Variants in MON1B observed in about 807,000 individuals in gnomAD.
MON1B encodes the protein MON1 vesicular trafficking associated B.
A neutral mutation model predicts 45.1 loss-of-function variants in MON1B; 26 were observed. The observed-to-expected ratio is 0.58, with a 90% confidence interval of 0.42 to 0.80. The LOEUF is 0.80. Ranked by LOEUF, MON1B falls within the 30% of genes least tolerant of loss-of-function variation. The pLI is 0.00. For missense variants in MON1B, 737 were observed against 754.5 expected, an observed-to-expected ratio of 0.98 and a Z score of 0.27; for synonymous variants, 395 against 320.2, an observed-to-expected ratio of 1.23 and a Z score of -2.49.
At chr16:77,192,798 T>A (rs114397929) in intron 2 of MON1B, among the ~76,000 whole-genome samples, 2 of 152,048 alleles carry the variant, frequency 1.3e-5, no homozygotes, top group Non-Finnish European at 2.9e-5. Context: ...TGTGGGGTCA[T>A]TGGGGTGTTT....
rs570598123 is a variant in MON1B at position 77,201,640 on chromosome 16, G to C, written c.*3332G>C. 6.6e-6 allele frequency: 1 copy of C among 152,110 alleles called. No individual in the cohort carries two copies. The highest frequency in any genetic ancestry group is 1.5e-5 in the Non-Finnish European group (1 of 68,038). 9.4% of individuals were successfully genotyped at this position (152,110 alleles called of 1,614,324 possible). A position where few individuals can be genotyped will look rare whatever the true frequency, so the allele number is the denominator to read the frequency against. ...GGAGAATACGTAAGTGTATGGACCA[G>C]GAATGGTCACTGGAGTGTTGATGTA... is the stretch of plus-strand genomic sequence containing the variant. On this transcript the variant is annotated 3_prime_UTR_variant, in exon 6 of 6. Coordinates refer to ENST00000248248, the MANE Select transcript of MON1B (RefSeq NM_014940.4).
intron 5 of MON1B, 75 bp downstream of exon 5, chr16:77,195,757 C>G: frequency 2.6e-6 from 4 of 1,552,696 alleles, no homozygotes; most frequent in Non-Finnish European, 3.5e-6. Context: ...TCCCCTCCAG[C>G]CACAGTGCCT....
At chr16:77,191,403 G>C (rs1308966735) in intron 1 of MON1B, 73 bp from the exon 2 acceptor site, 1 of 1,581,812 alleles carries the variant, frequency 6.3e-7, no homozygotes, top group East Asian at 2.2e-5. Flanking sequence ...TGTGTCCAAG[G>C]GGGCCTGACT....
At chr16:77,192,602 G>T (rs1371118697) in intron 2 of MON1B, among the ~76,000 whole-genome samples, 2 of 152,128 alleles carry the variant, frequency 1.3e-5, no homozygotes, top group African/African-American at 4.8e-5. Flanking sequence ...GTAGGGAGGG[G>T]AGTGGATACC....
chr16:77,191,259 G>T lies in MON1B; in HGVS notation c.-11+1G>T. On this transcript the variant is annotated splice_donor_variant, in intron 1 of 5. Coordinates refer to ENST00000248248, the MANE Select transcript of MON1B (RefSeq NM_014940.4). LOFTEE classifies it low-confidence loss of function (5UTR_SPLICE). ...CAATTGAGATTCGGAGTTAAAACAGGTGTTTGTATATCTCTATTTCCTGAG... is the reference window on the plus strand; with the variant it reads ...CAATTGAGATTCGGAGTTAAAACAGTTGTTTGTATATCTCTATTTCCTGAG... The T allele has an allele frequency of 2.6e-6, 4 of 1,539,588 alleles. No homozygotes were observed. Among genetic ancestry groups the T allele is most frequent in the East Asian group, 2.4e-5 (1 of 40,918 alleles).
chr16:77,196,523 C>T (rs1039093129), intron 5 of MON1B, among the ~76,000 whole-genome samples: 1 of 152,180 alleles, frequency 6.6e-6, no homozygotes, highest in Non-Finnish European at 1.5e-5. Flanking sequence ...CGCCTGTAAT[C>T]CCAGCACTTT....
rs368412163 is a variant in MON1B at position 77,194,660 on chromosome 16, T to A, written c.801T>A (p.Arg267=). ...LRDALGALLR[R]CTAPGLALSV... ...ACGCACTAGGTGCGCTCCTCCGACG[T>A]TGCACAGCGCCTGGCCTGGCGCTGT... The change falls in exon 4 of 6, where the codon CGT becomes CGA. Residue 267 remains arginine, a synonymous_variant. Coordinates refer to ENST00000248248, the MANE Select transcript of MON1B (RefSeq NM_014940.4). The surrounding 1 kb of genome is among the most constrained non-coding windows in gnomAD (Gnocchi z 8.1). 2 of 1,613,742 alleles carry A rather than the reference T, an allele frequency of 1.2e-6. No individual in the cohort carries two copies. Among genetic ancestry groups the A allele is most frequent in the African/African-American group, 2.7e-5 (2 of 74,924 alleles).
At position 77,200,256 on chromosome 16, in the gene MON1B, G is replaced by GTATATATATATATGTATATA. The variant is rs2054719886; in HGVS notation, c.*1961_*1962insGTATATATATATATATATAT. The GTATATATATATATGTATATA allele has an allele frequency of 7.2e-5, 6 of 83,616 alleles. No homozygotes were observed. Among genetic ancestry groups the GTATATATATATATGTATATA allele is most frequent in the Non-Finnish European group, 1.7e-4 (6 of 35,392 alleles). The allele number at this position is 83,616 out of a possible 1,614,324, so 5.2% of individuals were successfully genotyped here. ...TGTATATATATATATATGTATATGT[G>GTATATATATATATGTATATA]TATATATATATATATGTGTATATAT... On this transcript the variant is annotated 3_prime_UTR_variant, in exon 6 of 6. Transcript: ENST00000248248.
chr16:77,201,577 C>T lies in MON1B; in HGVS notation c.*3269C>T, dbSNP rs1366552817. On this transcript the variant is annotated 3_prime_UTR_variant, in exon 6 of 6. Coordinates refer to ENST00000248248, the MANE Select transcript of MON1B (RefSeq NM_014940.4). ...CAGAGTATTTTTAGCATCTAAAATG[C>T]TCTTCCACTTCGGCAGTGACCATGC... is the stretch of plus-strand genomic sequence containing the variant. 6.6e-6 allele frequency: 1 copy of T among 152,132 alleles called. No individual in the cohort carries two copies. The highest frequency in any genetic ancestry group is 1.5e-5 in the Non-Finnish European group (1 of 68,026). 9.4% of individuals were successfully genotyped at this position (152,132 alleles called of 1,614,324 possible).
chr16:77,198,393 G>T lies in MON1B; in HGVS notation c.*85G>T. Reference sequence around the variant, plus strand: ...GTCTACCCTGGAAATGTGTGTGGGGGTGTGTCTGTGGCCAGTCATTGTCTC... The same window carrying T: ...GTCTACCCTGGAAATGTGTGTGGGGTTGTGTCTGTGGCCAGTCATTGTCTC... On this transcript the variant is annotated 3_prime_UTR_variant, in exon 6 of 6. Transcript: ENST00000248248. 3.5e-6 allele frequency: 5 copies of T among 1,425,346 alleles called. No homozygotes were observed. Among genetic ancestry groups the T allele is most frequent in the African/African-American group, 1.4e-5 (1 of 71,110 alleles). The allele number at this position is 1,425,346 out of a possible 1,614,324, so 88.3% of individuals were successfully genotyped here.
In MON1B at chr16:77,194,812, C is replaced by G; in HGVS notation, c.953C>G (p.Ala318Gly). Residue 318 changes from alanine (A) to glycine (G), a missense_variant, in exon 4 of 6, where the codon GCG (alanine) becomes GGG (glycine). Ala to Gly is a moderately conservative substitution (Grantham distance 60). Transcript: ENST00000248248. This position sits in a 1 kb window ranked among gnomAD's most constrained non-coding sequence, Gnocchi z 8.1. ...TGGGTGGGTGCACCAGCCTTTGCGG[C>G]GGGTGAGGCTTGGGCACCTGTGTGC... ...LDWVGAPAFA[A>G]GEAWAPVCLP... is the part of the protein sequence containing the mutation. The G allele has an allele frequency of 2.5e-6, 4 of 1,611,928 alleles. No homozygotes were observed. Among genetic ancestry groups the G allele is most frequent in the Non-Finnish European group, 3.4e-6 (4 of 1,179,984 alleles).
chr16:77,193,994 T>G lies in MON1B; in HGVS notation c.475+217T>G, dbSNP rs898632381. On this transcript the variant is annotated intron_variant, in intron 3 of 5. Transcript: ENST00000248248. This position sits in a 1 kb window ranked among gnomAD's most constrained non-coding sequence, Gnocchi z 5.0. ...ATTGACTTGCTGGGATCTCAGTGAC[T>G]AGCTGGATACTTCTGTGTCACCTGA... 20 of 604,886 alleles carry G rather than the reference T, an allele frequency of 3.3e-5. No individual in the cohort carries two copies. In the African/African-American group the frequency reaches 3.3e-4, roughly 10 times the overall value. The allele number at this position is 604,886 out of a possible 1,614,324, so 37.5% of individuals were successfully genotyped here. A position where few individuals can be genotyped will look rare whatever the true frequency, so the allele number is the denominator to read the frequency against.
chr16:77,195,456 C>A lies in MON1B; in HGVS notation c.1296-79C>A, dbSNP rs1002469312. 4 of 1,475,400 alleles carry A rather than the reference C, an allele frequency of 2.7e-6. No individual in the cohort carries two copies. In the African/African-American group the frequency reaches 5.6e-5, roughly 21 times the overall value. The allele number at this position is 1,475,400 out of a possible 1,614,324, so 91.4% of individuals were successfully genotyped here. A position where few individuals can be genotyped will look rare whatever the true frequency, so the allele number is the denominator to read the frequency against. ...CTCAGCTCCCTAACTTCATTGAAAT[C>A]TCTAGACTGAGGGAGGAAATGGGCC... On this transcript the variant is annotated intron_variant, in intron 4 of 5. Coordinates refer to ENST00000248248, the MANE Select transcript of MON1B (RefSeq NM_014940.4).
rs1462892430 is a variant in MON1B at position 77,199,471 on chromosome 16, C to T, written c.*1163C>T. On this transcript the variant is annotated 3_prime_UTR_variant, in exon 6 of 6. Transcript: ENST00000248248. The stretch of plus-strand genomic sequence containing the variant: ...TGGAAAATGGCGGGGAAGCTGAAAC[C>T]TCTGAATGTGGAGGCGCCAGAAGCT... 3.2e-6 allele frequency: 5 copies of T among 1,551,008 alleles called. No individual in the cohort carries two copies. The highest frequency in any genetic ancestry group is 1.4e-5 in the African/African-American group (1 of 73,146).
At position 77,194,935 on chromosome 16, in the gene MON1B, C is replaced by G; in HGVS notation, c.1076C>G (p.Ala359Gly). The change falls in exon 4 of 6, where the codon GCC becomes GGC. Residue 359 changes from alanine to glycine, a missense_variant. Transcript: ENST00000248248. The surrounding 1 kb of genome is among the most constrained non-coding windows in gnomAD (Gnocchi z 8.1). ...CLLLLGTQRE[A>G]FHAMAACRRL... ...CTGCTGCTTGGCACCCAACGTGAAG[C>G]CTTCCATGCCATGGCCGCCTGCCGG... 1 of 1,613,696 alleles carries G rather than the reference C, an allele frequency of 6.2e-7. No homozygotes were observed.
chr16:77,195,527 C>G lies in MON1B; in HGVS notation c.1296-8C>G, dbSNP rs761613792. On this transcript the variant is annotated splice_polypyrimidine_tract_variant and splice_region_variant and intron_variant, in intron 4 of 5. Coordinates refer to ENST00000248248, the MANE Select transcript of MON1B (RefSeq NM_014940.4). Reference sequence around the variant, plus strand: ...AACCTTGTCCTCCACCTCCCTCCATCATGGCAGCCCTGAGCTAGAGGCCCC... The same window carrying G: ...AACCTTGTCCTCCACCTCCCTCCATGATGGCAGCCCTGAGCTAGAGGCCCC... 15 of 1,609,582 alleles carry G rather than the reference C, an allele frequency of 9.3e-6. 1 individual carries two copies. The East Asian group carries it at 1.3e-4, about 14-fold the overall frequency.
At chr16:77,197,523 T>C (rs768942212) in intron 5 of MON1B, among the ~76,000 whole-genome samples, 2 of 152,052 alleles carry the variant, frequency 1.3e-5, no homozygotes, top group African/African-American at 2.4e-5. Context: ...ACGTGGATAT[T>C]AGGAGGAAGA....
chr16:77,199,109 C>T lies in MON1B; in HGVS notation c.*801C>T. 3.5e-6 allele frequency: 1 copy of T among 289,798 alleles called. No individual in the cohort carries two copies. Among genetic ancestry groups the T allele is most frequent in the Non-Finnish European group, 6.4e-6 (1 of 156,146 alleles). 18.0% of individuals were successfully genotyped at this position (289,798 alleles called of 1,614,324 possible). A position where few individuals can be genotyped will look rare whatever the true frequency, so the allele number is the denominator to read the frequency against. On this transcript the variant is annotated 3_prime_UTR_variant, in exon 6 of 6. Transcript: ENST00000248248. ...AACTATTGTGTACCACCACATAGCA[C>T]ATGCACGTCTGTCCCAGACTTTGAC...
At position 77,194,662 on chromosome 16, in the gene MON1B, GCACAGCGCC is replaced by G; in HGVS notation, c.804_812del (p.Thr269_Pro271del). On this transcript the variant is annotated inframe_deletion, in exon 4 of 6. Coordinates refer to ENST00000248248, the MANE Select transcript of MON1B (RefSeq NM_014940.4). This position sits in a 1 kb window ranked among gnomAD's most constrained non-coding sequence, Gnocchi z 8.1. ...GCACTAGGTGCGCTCCTCCGACGTTGCACAGCGCCTGGCCTGGCGCTGTCAGTGCTGGCA... is the reference window on the plus strand; with the variant it reads ...GCACTAGGTGCGCTCCTCCGACGTTGTGGCCTGGCGCTGTCAGTGCTGGCA... The G allele has an allele frequency of 6.2e-7, 1 of 1,613,862 alleles. No individual in the cohort carries two copies. The highest frequency in any genetic ancestry group is 8.5e-7 in the Non-Finnish European group (1 of 1,179,906).
Sources: allele counts gnomAD v4.1 joint callset (sites outside exome capture counted in the v4.1 genomes callset), GRCh38; gene constraint gnomAD v4.1.1; non-coding constraint Gnocchi (gnomAD v3.1); transcripts MANE v1.5; gene names NCBI Gene and HGNC (gene_info 2026-07-23, HGNC 2026-07-21).